The following CSE1L variants were observed in gnomAD, a reference collection of about 807,000 sequenced individuals.
CSE1L encodes the protein chromosome segregation 1 like, also known as exportin-2.
CSE1L carries 24 observed loss-of-function variants against 120.4 expected under a neutral mutation model. The observed-to-expected ratio is 0.20, with a 90% CI of 0.14 to 0.28. CSE1L has a LOEUF of 0.28. CSE1L is among the 10% of genes least tolerant of loss of function. The pLI, the probability that CSE1L is intolerant of heterozygous loss-of-function variation, is 1.00. For missense variants in CSE1L, 830 were observed against 1,145.2 expected (o/e 0.72, Z 3.97); for synonymous variants, 402 against 398.3 (o/e 1.01, Z -0.11).
In CSE1L at chr20:49,070,030, G is replaced by A. The variant is rs377053405; in HGVS notation, c.676-175G>A. 9.8e-5 allele frequency among the ~76,000 whole-genome samples: 15 copies of A among 152,346 alleles called. 1 individual carries two copies. Among genetic ancestry groups the A allele is most frequent in the South Asian group, 8.3e-4 (4 of 4,824 alleles). ...AGCATACAAACAGAGGCAGAAGTCA[G>A]AATGCTTTATGCAGCTGCCAGATGT... On this transcript the variant is annotated intron_variant, in intron 7 of 24. Coordinates refer to ENST00000262982, the MANE Select transcript of CSE1L (RefSeq NM_001316.4).
intron 19 of CSE1L, among the ~76,000 whole-genome samples, chr20:49,090,199 A>G (rs1291617311): frequency 6.6e-6 from 1 of 152,194 alleles, no homozygotes; most frequent in Non-Finnish European, 1.5e-5. Flanking sequence ...AGAATTCTGT[A>G]TCCTTTAGTT....
intron 10 of CSE1L, among the ~76,000 whole-genome samples, chr20:49,073,868 A>G (rs946863527): frequency 2.0e-5 from 3 of 152,164 alleles, no homozygotes; most frequent in South Asian, 2.1e-4. Flanking sequence ...ATTAAGGACA[A>G]TATAGCGTGA....
At position 49,090,931 on chromosome 20, in the gene CSE1L, CT is replaced by C. The variant is rs1568788021; in HGVS notation, c.2280-3del. 1 of 1,600,168 alleles carries C rather than the reference CT, an allele frequency of 6.2e-7. No individual in the cohort carries two copies. Among genetic ancestry groups the C allele is most frequent in the Admixed American group, 1.7e-5 (1 of 58,028 alleles). ...TTTATATTGTTGATTTTTTTTAATTCTTTAGTGAATCAGTTGACCAATATAG... is the reference window on the plus strand; with the variant it reads ...TTTATATTGTTGATTTTTTTTAATTCTTAGTGAATCAGTTGACCAATATAG... On this transcript the variant is annotated splice_region_variant and splice_polypyrimidine_tract_variant and intron_variant, in intron 20 of 24. Transcript: ENST00000262982.
At chr20:49,062,339 A>G (rs2091859313) in intron 2 of CSE1L, among the ~76,000 whole-genome samples, 1 of 152,212 alleles carries the variant, frequency 6.6e-6, no homozygotes, top group Non-Finnish European at 1.5e-5. Context: ...GTTAAATGAT[A>G]CATGAAATTA....
At chr20:49,076,520 CTTTTTTT>C (rs35713931) in intron 12 of CSE1L, among the ~76,000 whole-genome samples, 21 of 79,592 alleles carry the variant, frequency 2.6e-4, no homozygotes, top group Middle Eastern at 9.1e-3. Context: ...CCCTCTCTCT[CTTTTTTT>C]TTTTTTTTTT....
At chr20:49,091,833 TAG>T (rs1439375663) in intron 21 of CSE1L, among the ~76,000 whole-genome samples, 1 of 152,160 alleles carries the variant, frequency 6.6e-6, no homozygotes, top group African/African-American at 2.4e-5. Context: ...ATTTTTTCAG[TAG>T]AGAGAATATT....
At chr20:49,069,817 C>G (rs1200934706) in intron 7 of CSE1L, among the ~76,000 whole-genome samples, 2 of 152,198 alleles carry the variant, frequency 1.3e-5, no homozygotes, top group Non-Finnish European at 2.9e-5. Context: ...CACAAGAAAT[C>G]AGTAACTAAA....
chr20:49,050,129 A>T (rs2091754424), intron 1 of CSE1L, among the ~76,000 whole-genome samples: 1 of 152,060 alleles, frequency 6.6e-6, no homozygotes, highest in African/African-American at 2.4e-5. Context: ...TTAAACTTAA[A>T]AATAGTCCTA....
intron 10 of CSE1L, among the ~76,000 whole-genome samples, chr20:49,073,972 T>C (rs1321160041): frequency 2.6e-5 from 4 of 152,028 alleles, no homozygotes; most frequent in Admixed American, 2.0e-4. Context: ...CCCAACACTT[T>C]GGGAGGCTGA....
rs142141040 is a variant in CSE1L at position 49,089,476 on chromosome 20, G to T, written c.1973-62G>T. On this transcript the variant is annotated intron_variant, in intron 18 of 24. Coordinates refer to ENST00000262982, the MANE Select transcript of CSE1L (RefSeq NM_001316.4). Reference sequence around the variant, plus strand: ...AAAATGCAGCCCACCTAAGCGATGTGGGCCTTTTGTGTCAGTCATTCCTTC... The same window carrying T: ...AAAATGCAGCCCACCTAAGCGATGTTGGCCTTTTGTGTCAGTCATTCCTTC... The T allele has an allele frequency of 3.8e-4, 617 of 1,604,318 alleles. 1 individual carries two copies. In the African/African-American group the frequency reaches 7.5e-3, roughly 20 times the overall value.
At chr20:49,092,535 G>T (rs886537971) in intron 22 of CSE1L, among the ~76,000 whole-genome samples, 1 of 151,882 alleles carries the variant, frequency 6.6e-6, no homozygotes, top group African/African-American at 2.4e-5. Context: ...GTCTCCAGGA[G>T]CCTGCCTTAT....
rs1170647950 is a variant in CSE1L at position 49,072,399 on chromosome 20, T to C, written c.882T>C (p.Val294=). ...TCCAGCGATACCTGCCTCGTTTTGT[T>C]ACAGCCATCTGGAATTTACTAGTTA... The part of the protein sequence containing the change: ...EEFQRYLPRF[V]TAIWNLLVTT... Residue 294 remains valine, a synonymous_variant, in exon 9 of 25, where the codon GTT becomes GTC. Coordinates refer to ENST00000262982, the MANE Select transcript of CSE1L (RefSeq NM_001316.4). 1 of 1,614,212 alleles carries C rather than the reference T, an allele frequency of 6.2e-7. No homozygotes were observed. The highest frequency in any genetic ancestry group is 8.5e-7 in the Non-Finnish European group (1 of 1,180,030).
intron 19 of CSE1L, 52 bp downstream of exon 19, chr20:49,089,798 T>C: frequency 6.6e-7 from 1 of 1,526,508 alleles, no homozygotes; most frequent in South Asian, 1.1e-5. Flanking sequence ...TTGGAGAAAC[T>C]GGGGATGGCA....
chr20:49,056,352 C>G (rs1403946565), intron 1 of CSE1L, among the ~76,000 whole-genome samples: 2 of 152,168 alleles, frequency 1.3e-5, no homozygotes, highest in East Asian at 1.9e-4. Flanking sequence ...GATCCACCCC[C>G]CTCAGCCTCC....
intron 14 of CSE1L, among the ~76,000 whole-genome samples, chr20:49,081,521 T>C (rs1014709893): frequency 3.3e-5 from 5 of 152,252 alleles, no homozygotes; most frequent in Admixed American, 6.5e-5. Flanking sequence ...TAGAGTATGT[T>C]GGAATTTTGC....
At chr20:49,074,950 G>T in intron 11 of CSE1L, 100 bp downstream of exon 11, 3 of 836,558 alleles carry the variant, frequency 3.6e-6, no homozygotes, top group Non-Finnish European at 1.9e-6. Flanking sequence ...GAATAAGAGT[G>T]TTTTTTCAGC....
rs377701705 is a variant in CSE1L at position 49,094,893 on chromosome 20, A to G, written c.2756A>G (p.Gln919Arg). 8 of 1,614,050 alleles carry G rather than the reference A, an allele frequency of 5.0e-6. No homozygotes were observed. The African/African-American group carries it at 1.1e-4, about 22-fold the overall frequency. ...AAAAAAGAGCATGATCCTGTAGGTC[A>G]AATGGTGAATAACCCCAAAATTCAC... Reference protein sequence around the residue: ...AGKKEHDPVGQMVNNPKIHLA... With the variant: ...AGKKEHDPVGRMVNNPKIHLA... The change falls in exon 24 of 25, where the codon CAA becomes CGA. Residue 919 changes from glutamine to arginine, a missense_variant. Gln to Arg is a conservative substitution (Grantham distance 43). This residue lies in a region of CSE1L where 112 missense variants were observed against 200.0 expected (regional missense o/e 0.56). Coordinates refer to ENST00000262982, the MANE Select transcript of CSE1L (RefSeq NM_001316.4).
At chr20:49,078,646 A>C (rs1330219878) in intron 14 of CSE1L, 24 bp downstream of exon 14, 2 of 1,474,652 alleles carry the variant, frequency 1.4e-6, no homozygotes, top group African/African-American at 2.8e-5. Context: ...TATTTGTTAC[A>C]CGCCACTTAA....
At chr20:49,056,847 C>CTGTGTGTGTG (rs3223230) in intron 1 of CSE1L, among the ~76,000 whole-genome samples, 26 of 149,080 alleles carry the variant, frequency 1.7e-4, no homozygotes, top group African/African-American at 3.9e-4. Context: ...ACTTCACATG[C>CTGTGTGTGTG]TGTGTGTGTG....
Sources: allele counts gnomAD v4.1 joint callset (sites outside exome capture counted in the v4.1 genomes callset), GRCh38; gene constraint gnomAD v4.1.1; regional missense constraint gnomAD v4.1.1; transcripts MANE v1.5; gene names NCBI Gene and HGNC (gene_info 2026-07-23, HGNC 2026-07-21).